ENTREP2: variants seen among roughly 807,000 people sequenced by gnomAD.
ENTREP2 encodes endosomal transmembrane epsin interactor 2.
At chr15:29,171,704 A>G in the ENTREP2 span, among the ~76,000 whole-genome samples, 1 of 152,182 alleles carries the variant, frequency 6.6e-6, no homozygotes, top group African/African-American at 2.4e-5. Flanking sequence ...TAAATCAGTC[A>G]CTGGTTAATA....
the ENTREP2 span, among the ~76,000 whole-genome samples, chr15:29,201,374 C>A: frequency 6.6e-6 from 1 of 152,158 alleles, no homozygotes; most frequent in African/African-American, 2.4e-5. Context: ...AGGGGAAAAG[C>A]ATTCAGTCTC....
the ENTREP2 span, among the ~76,000 whole-genome samples, chr15:29,453,957 A>G: frequency 0.039 from 5,978 of 152,276 alleles, 378 homozygotes; most frequent in African/African-American, 0.13. Context: ...GTCTCTTTAC[A>G]TACAAATGAT....
chr15:29,177,338 C>G, the ENTREP2 span, among the ~76,000 whole-genome samples: 1 of 152,200 alleles, frequency 6.6e-6, no homozygotes, highest in East Asian at 1.9e-4. Context: ...ATACACTGAA[C>G]AGCAAGACTG....
the ENTREP2 span, among the ~76,000 whole-genome samples, chr15:29,347,223 A>G: frequency 7.9e-5 from 12 of 152,250 alleles, no homozygotes; most frequent in East Asian, 1.5e-3. Flanking sequence ...CACCCAGGCT[A>G]GAGTGCAGCT....
At chr15:29,571,161 A>C in the ENTREP2 span, among the ~76,000 whole-genome samples, 13 of 150,972 alleles carry the variant, frequency 8.6e-5, no homozygotes, top group Admixed American at 8.6e-4. Flanking sequence ...GGGAAGGCGC[A>C]GGTGCGGTCC....
the ENTREP2 span, among the ~76,000 whole-genome samples, chr15:29,495,547 T>C: frequency 6.6e-6 from 1 of 152,218 alleles, no homozygotes; most frequent in Admixed American, 6.5e-5. Context: ...CTTTAAACAA[T>C]TTTAACTTGA....
At chr15:29,386,124 C>T in the ENTREP2 span, among the ~76,000 whole-genome samples, 1 of 152,180 alleles carries the variant, frequency 6.6e-6, no homozygotes, top group African/African-American at 2.4e-5. Context: ...ATCCTCCAAG[C>T]CCATGTGTGA....
chr15:29,630,844 C>T, the ENTREP2 span, among the ~76,000 whole-genome samples: 30 of 152,174 alleles, frequency 2.0e-4, no homozygotes, highest in Middle Eastern at 3.4e-3. Context: ...CTCACCACCA[C>T]GCTAATTTTT....
the ENTREP2 span, among the ~76,000 whole-genome samples, chr15:29,227,326 G>A: frequency 6.6e-6 from 1 of 152,164 alleles, no homozygotes; most frequent in South Asian, 2.1e-4. Flanking sequence ...AAGGTGATCG[G>A]GTCCCAGAAA....
the ENTREP2 span, among the ~76,000 whole-genome samples, chr15:29,642,076 T>G: frequency 6.6e-6 from 1 of 152,082 alleles, no homozygotes; most frequent in Non-Finnish European, 1.5e-5. Context: ...TCTACAAAAT[T>G]AAAGCAATTC....
At chr15:29,222,588 C>T in the ENTREP2 span, among the ~76,000 whole-genome samples, 1 of 152,200 alleles carries the variant, frequency 6.6e-6, no homozygotes, top group Non-Finnish European at 1.5e-5. Context: ...CGTTTTCCTC[C>T]TCCTCTTCCT....
At chr15:29,417,122 T>G in the ENTREP2 span, among the ~76,000 whole-genome samples, 1 of 152,334 alleles carries the variant, frequency 6.6e-6, no homozygotes, top group African/African-American at 2.4e-5. Flanking sequence ...AAATACTATT[T>G]GACCCAGCCA....
chr15:29,158,010 C>T, the ENTREP2 span, among the ~76,000 whole-genome samples: 3 of 152,258 alleles, frequency 2.0e-5, no homozygotes, highest in Middle Eastern at 3.4e-3. Context: ...AGCCACTGCT[C>T]CCGGCCAATA....
chr15:29,254,129 C>T, the ENTREP2 span, among the ~76,000 whole-genome samples: 3,152 of 108,638 alleles, frequency 0.029, 135 homozygotes, highest in African/African-American at 0.1. Flanking sequence ...GATCAAGAGG[C>T]GGGGAGACTG....
chr15:29,478,023 T>TATATATATATA, the ENTREP2 span, among the ~76,000 whole-genome samples: 2 of 114,148 alleles, frequency 1.8e-5, no homozygotes, highest in African/African-American at 8.2e-5. Context: ...ATATATATTT[T>TATATATATATA]TTTTTTTTTT....
At chr15:29,239,769 G>A in the ENTREP2 span, among the ~76,000 whole-genome samples, 29 of 152,222 alleles carry the variant, frequency 1.9e-4, no homozygotes, top group Admixed American at 2.6e-4. Context: ...TACTTTTCCC[G>A]TTTACATGCT....
the ENTREP2 span, among the ~76,000 whole-genome samples, chr15:29,394,784 ATAT>A: frequency 3.3e-5 from 5 of 150,892 alleles, no homozygotes; most frequent in Admixed American, 2.0e-4. Context: ...TTCTGTCTCT[ATAT>A]GAGTGGAATC....
At chr15:29,444,359 C>T in the ENTREP2 span, among the ~76,000 whole-genome samples, 18 of 152,088 alleles carry the variant, frequency 1.2e-4, no homozygotes, top group Non-Finnish European at 2.4e-4. Flanking sequence ...CTATCCGTTG[C>T]GGGGTGCGGG....
chr15:29,671,883 G>A, the ENTREP2 span, among the ~76,000 whole-genome samples: 4 of 152,178 alleles, frequency 2.6e-5, no homozygotes, highest in East Asian at 1.9e-4. Flanking sequence ...AGGAGCCCCC[G>A]TCTGCCTTGA....
Sources: allele counts gnomAD v4.1 joint callset (sites outside exome capture counted in the v4.1 genomes callset), GRCh38; gene constraint gnomAD v4.1.1; transcripts MANE v1.5; gene names NCBI Gene and HGNC (gene_info 2026-07-23, HGNC 2026-07-21).